The following RNLS variants were observed in gnomAD, a reference collection of about 807,000 sequenced individuals.
The protein encoded by RNLS is renalase.
A neutral mutation model predicts 39.8 loss-of-function variants in RNLS; 39 were observed. The ratio of observed to expected loss-of-function variants is 0.98; its 90% CI spans 0.76 to 1.28. The LOEUF (loss-of-function observed/expected upper bound fraction) is 1.28, where lower values mean the gene tolerates loss of function less well. RNLS is among the 50% of genes most tolerant of loss of function. The pLI is 0.00. For synonymous variants in RNLS, 147 were observed against 150.7 expected, an observed-to-expected ratio of 0.98 and a Z score of 0.18; for missense variants, 410 against 413.3, an observed-to-expected ratio of 0.99 and a Z score of 0.07.
intron 5 of RNLS, among the ~76,000 whole-genome samples, chr10:88,320,947 G>A (rs770960560): frequency 6.7e-6 from 1 of 150,286 alleles, no homozygotes; most frequent in Non-Finnish European, 1.5e-5. Context: ...TTGACCAAAT[G>A]GACCCAGTAA....
intron 4 of RNLS, among the ~76,000 whole-genome samples, chr10:88,436,223 A>G (rs78788450): frequency 0.061 from 9,342 of 152,154 alleles, 414 homozygotes; most frequent in African/African-American, 0.12. Context: ...AGTTCTGATA[A>G]GGTAACTTAC....
chr10:88,297,699 C>A (rs1439301743), intron 6 of RNLS, among the ~76,000 whole-genome samples: 1 of 152,098 alleles, frequency 6.6e-6, no homozygotes, highest in Non-Finnish European at 1.5e-5. Context: ...GAATGATATT[C>A]CCCTGTATGG....
At chr10:88,473,577 C>T (rs1348774520) in intron 4 of RNLS, among the ~76,000 whole-genome samples, 2 of 152,176 alleles carry the variant, frequency 1.3e-5, no homozygotes, top group African/African-American at 2.4e-5. Flanking sequence ...CCAAGCATGA[C>T]AAGGTCTTTG....
At chr10:88,546,413 A>G (rs1243375490) in intron 4 of RNLS, among the ~76,000 whole-genome samples, 3 of 152,118 alleles carry the variant, frequency 2.0e-5, no homozygotes, top group Non-Finnish European at 4.4e-5. Context: ...AAAATATAAA[A>G]TTGTAAAATA....
the RNLS span, among the ~76,000 whole-genome samples, chr10:88,228,520 G>C: frequency 6.6e-6 from 1 of 152,174 alleles, no homozygotes; most frequent in Non-Finnish European, 1.5e-5. Flanking sequence ...CGTGTGCCTG[G>C]AACGGGAGTA....
At chr10:88,179,114 C>A in the RNLS span, among the ~76,000 whole-genome samples, 1 of 152,028 alleles carries the variant, frequency 6.6e-6, no homozygotes, top group Non-Finnish European at 1.5e-5. Context: ...ACAGTAAACA[C>A]AATAAATAAA....
chr10:88,576,189 C>T (rs1210499117), intron 3 of RNLS, among the ~76,000 whole-genome samples: 7 of 152,154 alleles, frequency 4.6e-5, no homozygotes, highest in Admixed American at 6.6e-5. Context: ...ATTTATCATG[C>T]ATCTTTTCTT....
At chr10:88,559,937 T>C (rs1055070961) in intron 4 of RNLS, among the ~76,000 whole-genome samples, 4 of 152,112 alleles carry the variant, frequency 2.6e-5, no homozygotes, top group Non-Finnish European at 5.9e-5. Context: ...ACTTTTTTTT[T>C]CTTGTATTTT....
chr10:88,533,135 T>C (rs1847537594), intron 4 of RNLS, among the ~76,000 whole-genome samples: 1 of 152,118 alleles, frequency 6.6e-6, no homozygotes, highest in Non-Finnish European at 1.5e-5. Flanking sequence ...TAATTATAAG[T>C]AAATAAACAT....
intron 4 of RNLS, among the ~76,000 whole-genome samples, chr10:88,386,517 T>C (rs1851866028): frequency 6.6e-6 from 1 of 152,248 alleles, no homozygotes; most frequent in Admixed American, 6.5e-5. Flanking sequence ...TTTCAAAGGT[T>C]ATGAGAAAGG....
intron 6 of RNLS, 90 bp from the exon 7 acceptor site, chr10:88,285,596 G>T: frequency 9.1e-7 from 1 of 1,099,012 alleles, no homozygotes; most frequent in Non-Finnish European, 1.3e-6. Context: ...TAGTCTACCT[G>T]GAGAAATCAA....
chr10:88,532,062 A>T (rs1847457910), intron 4 of RNLS, among the ~76,000 whole-genome samples: 1 of 152,102 alleles, frequency 6.6e-6, no homozygotes, highest in African/African-American at 2.4e-5. Flanking sequence ...CTTTTGAAAG[A>T]ATTAGGTCAT....
intron 4 of RNLS, among the ~76,000 whole-genome samples, chr10:88,535,105 T>C (rs1320572452): frequency 1.3e-5 from 2 of 152,180 alleles, no homozygotes; most frequent in Non-Finnish European, 2.9e-5. Flanking sequence ...ATAATATCTA[T>C]ATAACATGAG....
At chr10:88,327,350 G>A (rs1810531533) in intron 5 of RNLS, among the ~76,000 whole-genome samples, 1 of 152,166 alleles carries the variant, frequency 6.6e-6, no homozygotes, top group South Asian at 2.1e-4. Context: ...TGAGGTGATT[G>A]GATCATGGGG....
chr10:88,543,604 C>CA (rs1226328443), intron 4 of RNLS, among the ~76,000 whole-genome samples: 3 of 151,998 alleles, frequency 2.0e-5, no homozygotes, highest in Non-Finnish European at 4.4e-5. Context: ...CTAAAATACA[C>CA]AAAGACAATT....
At chr10:88,173,294 G>A in the RNLS span, among the ~76,000 whole-genome samples, 1 of 152,158 alleles carries the variant, frequency 6.6e-6, no homozygotes, top group African/African-American at 2.4e-5. Flanking sequence ...AGTTGGCTGT[G>A]AATGCATTGA....
intron 6 of RNLS, among the ~76,000 whole-genome samples, chr10:88,297,904 C>G (rs1844206476): frequency 6.6e-6 from 1 of 152,150 alleles, no homozygotes; most frequent in Non-Finnish European, 1.5e-5. Context: ...TGAGGAACCA[C>G]CAAGCTGTTT....
intron 4 of RNLS, among the ~76,000 whole-genome samples, chr10:88,554,869 C>T (rs1848777944): frequency 6.6e-6 from 1 of 152,016 alleles, no homozygotes; most frequent in Non-Finnish European, 1.5e-5. Context: ...CTTAAAAATA[C>T]AATACAATAC....
chr10:88,582,280 G>T lies in RNLS; in HGVS notation c.146C>A (p.Pro49His). The stretch of plus-strand genomic sequence containing the variant: ...GTCAGCTGTGCACTGAGGATTATGA[G>T]GACTGCAGGCTGTAGTCATTCTTCC... Reference protein sequence around the residue: ...SGGRMTTACSPHNPQCTADLG... With the variant: ...SGGRMTTACSHHNPQCTADLG... Residue 49 changes from proline to histidine, a missense_variant, in exon 2 of 7, where the codon CCT becomes CAT. Physicochemically the swap from Pro to His is moderately conservative, Grantham distance 77 (BLOSUM62 -2). Transcript: ENST00000331772. 6.2e-7 allele frequency: 1 copy of T among 1,613,900 alleles called. No individual in the cohort carries two copies. The highest frequency in any genetic ancestry group is 8.5e-7 in the Non-Finnish European group (1 of 1,179,886).
Sources: allele counts gnomAD v4.1 joint callset (sites outside exome capture counted in the v4.1 genomes callset), GRCh38; gene constraint gnomAD v4.1.1; transcripts MANE v1.5; gene names NCBI Gene and HGNC (gene_info 2026-07-23, HGNC 2026-07-21).